ANKRD44: variants seen among roughly 807,000 people sequenced by gnomAD.
The protein encoded by ANKRD44 is ankyrin repeat domain 44.
In ANKRD44, 35 loss-of-function variants were observed where a neutral mutation model predicts 116.0. The ratio of observed to expected loss-of-function variants is 0.30; its 90% CI spans 0.23 to 0.40. The LOEUF (loss-of-function observed/expected upper bound fraction) is 0.40. ANKRD44 is among the 10% of genes least tolerant of loss of function. ANKRD44 has a pLI of 1.00. For synonymous variants in ANKRD44, 435 were observed against 461.8 expected, an observed-to-expected ratio of 0.94 and a Z score of 0.74; for missense variants, 1,014 against 1,242.6, an observed-to-expected ratio of 0.82 and a Z score of 2.77.
At chr2:197,204,934 C>T (rs989512190) in intron 1 of ANKRD44, among the ~76,000 whole-genome samples, 41 of 152,220 alleles carry the variant, frequency 2.7e-4, no homozygotes, top group African/African-American at 9.6e-4. Flanking sequence ...GAATGGGGCA[C>T]AGTCTATAAG....
At chr2:196,967,293 G>C (rs1007482239) in exon 22 of ANKRD44, 2 of 346,082 alleles carry the variant, frequency 5.8e-6, no homozygotes, top group African/African-American at 4.3e-5. Context: ...GGCGAATCCG[G>C]TTACTCCCTT....
chr2:197,244,606 AG>A (rs1366787870), intron 1 of ANKRD44, among the ~76,000 whole-genome samples: 1 of 152,218 alleles, frequency 6.6e-6, no homozygotes, highest in Non-Finnish European at 1.5e-5. Flanking sequence ...AAACTGTTGC[AG>A]GGGAGATAGA....
intron 10 of ANKRD44, among the ~76,000 whole-genome samples, chr2:197,091,609 T>C (rs1243465339): frequency 6.6e-6 from 1 of 152,226 alleles, no homozygotes; most frequent in East Asian, 1.9e-4. Flanking sequence ...TCCACCTACC[T>C]TGGCCTCCCA....
chr2:197,163,208 T>C (rs1203461264), intron 2 of ANKRD44, among the ~76,000 whole-genome samples: 1 of 152,152 alleles, frequency 6.6e-6, no homozygotes, highest in African/African-American at 2.4e-5. Context: ...ACTTACCCAG[T>C]GGGTGAGAAA....
intron 17 of ANKRD44, among the ~76,000 whole-genome samples, chr2:197,018,286 C>G (rs4850746): frequency 1.3e-5 from 2 of 152,130 alleles, no homozygotes; most frequent in Non-Finnish European, 2.9e-5. Context: ...CTTTCCATGA[C>G]CAATCAGGCC....
At chr2:197,160,783 G>A (rs1361722917) in intron 2 of ANKRD44, among the ~76,000 whole-genome samples, 1 of 152,164 alleles carries the variant, frequency 6.6e-6, no homozygotes, top group Non-Finnish European at 1.5e-5. Flanking sequence ...ACAGATGGGA[G>A]CTTCCCTGGG....
intron 16 of ANKRD44, among the ~76,000 whole-genome samples, chr2:197,070,324 C>T (rs893736633): frequency 6.6e-6 from 1 of 152,064 alleles, no homozygotes; most frequent in Non-Finnish European, 1.5e-5. Context: ...AGTCTTTTAC[C>T]GTTAAGTAAA....
At chr2:197,037,867 A>T (rs1214608515) in intron 16 of ANKRD44, among the ~76,000 whole-genome samples, 1 of 152,186 alleles carries the variant, frequency 6.6e-6, no homozygotes, top group Admixed American at 6.5e-5. Context: ...GCTTGAGCCC[A>T]GGAGGTTGAG....
At chr2:197,015,446 AC>A in intron 17 of ANKRD44, 1 of 510,980 alleles carries the variant, frequency 2.0e-6, no homozygotes, top group Non-Finnish European at 3.6e-6. Flanking sequence ...ATTCAGAAAC[AC>A]CACAATATTA....
chr2:197,140,678 T>C (rs1375123154), intron 3 of ANKRD44, among the ~76,000 whole-genome samples: 1 of 152,046 alleles, frequency 6.6e-6, no homozygotes, highest in Non-Finnish European at 1.5e-5. Context: ...ACTTAAACAT[T>C]TGTTAAGAGG....
chr2:197,099,682 T>C (rs2078243690), intron 10 of ANKRD44, 134 bp downstream of exon 10: 1 of 1,320,782 alleles, frequency 7.6e-7, no homozygotes, highest in African/African-American at 1.5e-5. Context: ...ATTTAAAATT[T>C]AATTTGTATT....
At chr2:197,255,038 G>C (rs187617483) in intron 1 of ANKRD44, among the ~76,000 whole-genome samples, 2 of 152,340 alleles carry the variant, frequency 1.3e-5, no homozygotes, top group African/African-American at 4.8e-5. Context: ...TCAGCTCAGG[G>C]CAGCCAAGGA....
intron 17 of ANKRD44, among the ~76,000 whole-genome samples, chr2:197,019,805 T>TC (rs2076462429): frequency 6.6e-6 from 1 of 151,576 alleles, no homozygotes; most frequent in Non-Finnish European, 1.5e-5. Flanking sequence ...TTTCTTTCTT[T>TC]TTTTTTTTTG....
chr2:196,984,391 G>A (rs1210028593), downstream of ANKRD44, among the ~76,000 whole-genome samples: 1 of 152,154 alleles, frequency 6.6e-6, no homozygotes, highest in Non-Finnish European at 1.5e-5. Flanking sequence ...CATTATCTTG[G>A]TGCTTTATAT....
At chr2:196,985,064 G>T (rs556106004), downstream of ANKRD44, among the ~76,000 whole-genome samples, 1 of 152,228 alleles carries the variant, frequency 6.6e-6, no homozygotes, top group Non-Finnish European at 1.5e-5. Context: ...CTGCTCGCCC[G>T]CAAGGCAAGC....
chr2:196,971,005 T>C (rs957144641), intron 21 of ANKRD44, among the ~76,000 whole-genome samples: 1 of 152,192 alleles, frequency 6.6e-6, no homozygotes. Context: ...GACTGGCCAA[T>C]ATTTTAATTT....
At chr2:196,991,303 GCA>G (rs1259746683) in intron 27 of ANKRD44, among the ~76,000 whole-genome samples, 3 of 152,054 alleles carry the variant, frequency 2.0e-5, no homozygotes, top group Non-Finnish European at 4.4e-5. Context: ...CCGCCTGAGA[GCA>G]CACACACACC....
Position 196,975,549 on chromosome 2 carries a change from C to T in ANKRD44, c.2369-8103G>A, listed in dbSNP as rs112098108. Among the ~76,000 whole-genome samples, 393 of 151,590 alleles carry T rather than the reference C, an allele frequency of 2.6e-3. 4 individuals carry two copies. The East Asian group carries it at 0.037, about 14-fold the overall frequency. On this transcript the variant is annotated intron_variant, in intron 21 of 21. Coordinates refer to the ANKRD44 transcript ENST00000424317. Reference sequence around the variant, plus strand: ...CTGTGATCCCAGCACTTCGGGAGGCCGAGGTAGGTGGATCACGTGAGGCCA... The same window carrying T: ...CTGTGATCCCAGCACTTCGGGAGGCTGAGGTAGGTGGATCACGTGAGGCCA...
At chr2:197,286,055 G>A (rs2105851318) in intron 1 of ANKRD44, among the ~76,000 whole-genome samples, 1 of 152,294 alleles carries the variant, frequency 6.6e-6, no homozygotes, top group East Asian at 1.9e-4. Context: ...TTGGCACAAG[G>A]AAGAAAGCCT....
Sources: gnomAD v4.1 joint callset for allele counts (sites outside exome capture counted in the v4.1 genomes callset) on GRCh38, gnomAD v4.1.1 for gene constraint, MANE v1.5 for transcripts, NCBI Gene and HGNC (gene_info 2026-07-23, HGNC 2026-07-21) for gene names.